FSIP2: variants seen among roughly 807,000 people sequenced by gnomAD.
The protein encoded by FSIP2 is fibrous sheath-interacting protein 2.
In FSIP2, 367 loss-of-function variants were observed where a neutral mutation model predicts 510.5. The ratio of observed to expected loss-of-function variants is 0.72; its 90% CI spans 0.66 to 0.78. The LOEUF is 0.78. Ranked by LOEUF, FSIP2 falls within the 30% of genes least tolerant of loss-of-function variation. FSIP2 has a pLI of 0.00. For synonymous variants in FSIP2, 2,601 were observed against 2,732.2 expected (o/e 0.95, Z 1.50); for missense variants, 7,594 against 7,901.7 (o/e 0.96, Z 1.48).
chr2:185,751,231 G>A (rs1440132322), intron 7 of FSIP2, among the ~76,000 whole-genome samples: 1 of 151,282 alleles, frequency 6.6e-6, no homozygotes, highest in African/African-American at 2.4e-5. Flanking sequence ...CTCAGTTTTT[G>A]TTTTATTTGA....
rs753083519 is a variant in FSIP2 at position 185,806,721 on chromosome 2, A to G, written c.17415A>G (p.Glu5805=). Residue 5805 remains glutamate (E), a synonymous_variant, in exon 17 of 23, where the codon GAA becomes GAG. Coordinates refer to ENST00000424728, the MANE Select transcript of FSIP2 (RefSeq NM_173651.4). ...AATTGATCTTTTCTTCTATACCAGA[A>G]ACACAAATACAAGATAGATGTCAAA... ...VKQLIFSSIP[E]TQIQDRCQNV... 6.2e-7 allele frequency: 1 copy of G among 1,609,044 alleles called. No individual in the cohort carries two copies. The highest frequency in any genetic ancestry group is 8.5e-7 in the Non-Finnish European group (1 of 1,177,932).
Position 185,828,193 on chromosome 2 carries a change from TGTTAAGGTAA to T in FSIP2, c.20514_20517+6del. The T allele has an allele frequency of 6.4e-7, 1 of 1,570,942 alleles. No homozygotes were observed. Among genetic ancestry groups the T allele is most frequent in the Non-Finnish European group, 8.8e-7 (1 of 1,142,840 alleles). On this transcript the variant is annotated splice_donor_variant and splice_donor_region_variant and coding_sequence_variant and intron_variant, in exon 21 of 23. Transcript: ENST00000424728. LOFTEE classifies it high-confidence loss of function. Reference sequence around the variant, plus strand: ...AACAAAAGCCAGAGCATGGAAACAGTGTTAAGGTAAGTATTTTTAACTAGCCTTAGTTGAT... The same window carrying T: ...AACAAAAGCCAGAGCATGGAAACAGTGTATTTTTAACTAGCCTTAGTTGAT...
chr2:185,795,844 C>T lies in FSIP2; in HGVS notation c.8708C>T (p.Ser2903Phe). 1 of 1,532,488 alleles carries T rather than the reference C, an allele frequency of 6.5e-7. No individual in the cohort carries two copies. Among genetic ancestry groups the T allele is most frequent in the African/African-American group, 1.4e-5 (1 of 72,738 alleles). 94.9% of individuals were successfully genotyped at this position (1,532,488 alleles called of 1,614,324 possible). Residue 2903 changes from serine to phenylalanine, a missense_variant, in exon 16 of 23, where the codon TCT becomes TTT. Physicochemically the swap from Ser to Phe is radical, Grantham distance 155. Coordinates refer to ENST00000424728, the MANE Select transcript of FSIP2 (RefSeq NM_173651.4). ...SRFYNHFKGA[S>F]TRAEDTKAQI... is the part of the protein sequence containing the mutation. Reference sequence around the variant, plus strand: ...TTTTATAATCATTTTAAAGGAGCTTCTACTAGAGCCGAGGATACTAAAGCA... The same window carrying T: ...TTTTATAATCATTTTAAAGGAGCTTTTACTAGAGCCGAGGATACTAAAGCA...
intron 17 of FSIP2, among the ~76,000 whole-genome samples, chr2:185,812,942 C>A (rs993648425): frequency 6.6e-6 from 1 of 151,904 alleles, no homozygotes; most frequent in Non-Finnish European, 1.5e-5. Context: ...TTATAATTGT[C>A]TTTTCTTTGA....
chr2:185,760,501 T>C (rs1692328490), intron 9 of FSIP2, among the ~76,000 whole-genome samples: 2 of 147,298 alleles, frequency 1.4e-5, no homozygotes, highest in Non-Finnish European at 3.0e-5. Context: ...AAATTTATAT[T>C]TATTATAATA....
Position 185,795,827 on chromosome 2 carries a change from T to A in FSIP2, c.8691T>A (p.Asn2897Lys). The change falls in exon 16 of 23, where the codon AAT (asparagine) becomes AAA (lysine). Residue 2897 changes from asparagine to lysine, a missense_variant. Physicochemically the swap from Asn to Lys is moderately conservative, Grantham distance 94 (BLOSUM62 0). Coordinates refer to ENST00000424728, the MANE Select transcript of FSIP2 (RefSeq NM_173651.4). ...PLENCESRFY[N>K]HFKGASTRAE... The stretch of plus-strand genomic sequence containing the variant: ...AGAATTGTGAAAGCAGGTTTTATAA[T>A]CATTTTAAAGGAGCTTCTACTAGAG... 7.8e-6 allele frequency: 12 copies of A among 1,534,050 alleles called. No individual in the cohort carries two copies. The highest frequency in any genetic ancestry group is 9.6e-6 in the Non-Finnish European group (11 of 1,145,628).
At chr2:185,817,917 T>C (rs1033326821) in intron 19 of FSIP2, among the ~76,000 whole-genome samples, 2 of 152,000 alleles carry the variant, frequency 1.3e-5, no homozygotes, top group Admixed American at 6.6e-5. Context: ...ATTCTGCTTT[T>C]GGTAGCATAT....
intron 11 of FSIP2, 30 bp from the exon 12 acceptor site, chr2:185,763,153 C>T: frequency 2.1e-6 from 2 of 941,840 alleles, no homozygotes; most frequent in South Asian, 1.4e-5. Flanking sequence ...ATCAGCTTCT[C>T]ATATTTAAAG....
Position 185,808,126 on chromosome 2 carries a change from T to C in FSIP2, c.18820T>C (p.Leu6274=). Residue 6274 remains leucine (L), a synonymous_variant, in exon 17 of 23, where the codon TTA becomes CTA. Coordinates refer to ENST00000424728, the MANE Select transcript of FSIP2 (RefSeq NM_173651.4). ...CTCTTATACTTCTGTATTTAAAGAT[T>C]TAATGGGTAAAAGCAATGTCCTCTC... ...SGSYTSVFKD[L]MGKSNVLSDT... 6.2e-7 allele frequency: 1 copy of C among 1,606,024 alleles called. No individual in the cohort carries two copies. Among genetic ancestry groups the C allele is most frequent in the East Asian group, 2.2e-5 (1 of 44,712 alleles).
chr2:185,768,798 A>G (rs55856163), intron 13 of FSIP2, among the ~76,000 whole-genome samples: 81,057 of 151,758 alleles, frequency 0.53, 21,865 homozygotes, highest in South Asian at 0.64. Context: ...ACCCTCTACC[A>G]CAGTGTGGCC....
At chr2:185,820,088 C>T (rs142255652) in intron 19 of FSIP2, among the ~76,000 whole-genome samples, 1 of 152,034 alleles carries the variant, frequency 6.6e-6, no homozygotes, top group East Asian at 2.0e-4. Context: ...CCACCCAAAT[C>T]TCATCTTCAA....
Position 185,794,578 on chromosome 2 carries a change from G to T in FSIP2, c.7442G>T (p.Gly2481Val). ...RNGESKNKEK[G>V]ELLIAVEELL... ...GGAGAATCAAAAAACAAAGAAAAAG[G>T]TGAACTGCTCATTGCAGTGGAAGAA... The change falls in exon 16 of 23, where the codon GGT (glycine) becomes GTT (valine). Residue 2481 changes from glycine to valine, a missense_variant. Physicochemically the swap from Gly to Val is moderately radical, Grantham distance 109. Transcript: ENST00000424728. 1 of 1,531,742 alleles carries T rather than the reference G, an allele frequency of 6.5e-7. No individual in the cohort carries two copies. The highest frequency in any genetic ancestry group is 8.7e-7 in the Non-Finnish European group (1 of 1,144,708). 94.9% of individuals were successfully genotyped at this position (1,531,742 alleles called of 1,614,324 possible). A position where few individuals can be genotyped will look rare whatever the true frequency, so the allele number is the denominator to read the frequency against.
In FSIP2 at chr2:185,793,649, C is replaced by T; in HGVS notation, c.6513C>T (p.Ala2171=). ...TTCTTCATAATCTCAGTTCTGCTGC[C>T]ACGCTTGTCATAAATGCAAAGAATC... is the stretch of plus-strand genomic sequence containing the variant. ...NIVLHNLSSA[A]TLVINAKNPT... is the part of the protein sequence containing the mutation. The change falls in exon 16 of 23, where the codon GCC becomes GCT. Residue 2171 remains alanine (A), a synonymous_variant. Transcript: ENST00000424728. 6.5e-7 allele frequency: 1 copy of T among 1,534,628 alleles called. No individual in the cohort carries two copies. The highest frequency in any genetic ancestry group is 8.7e-7 in the Non-Finnish European group (1 of 1,145,780).
chr2:185,746,624 A>G, intron 5 of FSIP2, 45 bp from the exon 6 acceptor site: 1 of 1,428,070 alleles, frequency 7.0e-7, no homozygotes, highest in Non-Finnish European at 9.2e-7. Flanking sequence ...CCATCATAAA[A>G]GAAACAGCCA....
upstream of FSIP2, chr2:185,738,509 G>A: frequency 1.7e-6 from 2 of 1,168,894 alleles, no homozygotes; most frequent in Non-Finnish European, 1.2e-6. Flanking sequence ...AATCACTCGG[G>A]AATTTTTATT....
At chr2:185,787,286 A>ATAAG (rs1201038577) in intron 15 of FSIP2, among the ~76,000 whole-genome samples, 1 of 151,878 alleles carries the variant, frequency 6.6e-6, no homozygotes, top group African/African-American at 2.4e-5. Flanking sequence ...TGCTTATACA[A>ATAAG]TAAGTTAAAA....
Position 185,797,113 on chromosome 2 carries a change from T to C in FSIP2, c.9977T>C (p.Ile3326Thr). 1 of 1,535,100 alleles carries C rather than the reference T, an allele frequency of 6.5e-7. No homozygotes were observed. The highest frequency in any genetic ancestry group is 8.7e-7 in the Non-Finnish European group (1 of 1,146,270). Residue 3326 changes from isoleucine (I) to threonine (T), a missense_variant, in exon 16 of 23, where the codon ATA becomes ACA. Ile to Thr is a moderately conservative substitution (Grantham distance 89). Transcript: ENST00000424728. ...CAGACAACCATTTCCCCTCTCAAAA[T>C]ATGTTTAGCTGCAGAAAATATTGTC... is the stretch of plus-strand genomic sequence containing the variant. ...QIQTTISPLK[I>T]CLAAENIVNT...
intron 13 of FSIP2, among the ~76,000 whole-genome samples, chr2:185,769,092 C>G (rs567819307): frequency 6.6e-6 from 1 of 152,150 alleles, no homozygotes; most frequent in Non-Finnish European, 1.5e-5. Context: ...CTGCAATGAA[C>G]ATACACATGC....
rs1559026230 is a variant in FSIP2, at chr2:185,791,150, T to C, written c.4014T>C (p.Asp1338=). ...LTDKGFFANT[D]KKLESLVTSI... ...ATAAAGGATTTTTTGCTAATACTGA[T>C]AAAAAATTAGAATCTCTTGTCACGA... The change falls in exon 16 of 23, where the codon GAT becomes GAC. Residue 1338 remains aspartate (D), a synonymous_variant. Coordinates refer to ENST00000424728, the MANE Select transcript of FSIP2 (RefSeq NM_173651.4). 2 of 1,533,440 alleles carry C rather than the reference T, an allele frequency of 1.3e-6. No homozygotes were observed. Among genetic ancestry groups the C allele is most frequent in the Non-Finnish European group, 8.7e-7 (1 of 1,145,106 alleles). The allele number at this position is 1,533,440 out of a possible 1,614,324, so 95.0% of individuals were successfully genotyped here. A position where few individuals can be genotyped will look rare whatever the true frequency, so the allele number is the denominator to read the frequency against.
Sources: allele counts gnomAD v4.1 joint callset (sites outside exome capture counted in the v4.1 genomes callset), GRCh38; gene constraint gnomAD v4.1.1; transcripts MANE v1.5; gene names NCBI Gene and HGNC (gene_info 2026-07-23, HGNC 2026-07-21).